The following WDR4 variants were observed in gnomAD, a reference collection of about 807,000 sequenced individuals.
WDR4 encodes tRNA (guanine-N(7)-)-methyltransferase non-catalytic subunit WDR4.
A neutral mutation model predicts 48.6 loss-of-function variants in WDR4; 47 were observed. The ratio of observed to expected loss-of-function variants is 0.97; its 90% CI spans 0.77 to 1.23. The LOEUF is 1.23. Among genes scored for constraint, WDR4 ranks in the 50% most tolerant of loss-of-function variants. The pLI is 0.00. For synonymous variants in WDR4, 268 were observed against 230.0 expected (o/e 1.17, Z -1.49); for missense variants, 606 against 551.6 (o/e 1.10, Z -0.99).
intron 7 of WDR4, 145 bp downstream of exon 7, chr21:42,855,537 T>C (rs2057964443): frequency 1.6e-6 from 1 of 620,378 alleles, no homozygotes; most frequent in Admixed American, 3.0e-5. Context: ...CTTCAGAATT[T>C]GAAATACGAG....
chr21:42,843,476 T>C (rs1366883435), intron 11 of WDR4, among the ~76,000 whole-genome samples: 4 of 136,444 alleles, frequency 2.9e-5, no homozygotes, highest in African/African-American at 1.1e-4. Flanking sequence ...AGTAGTGCAA[T>C]CACGGCTTGC....
At chr21:42,869,242 T>C (rs1301749565) in intron 3 of WDR4, among the ~76,000 whole-genome samples, 1 of 152,082 alleles carries the variant, frequency 6.6e-6, no homozygotes, top group Non-Finnish European at 1.5e-5. Context: ...AGGCAAAAGG[T>C]AGCATGAGAG....
intron 11 of WDR4, among the ~76,000 whole-genome samples, chr21:42,843,544 G>A (rs547041000): frequency 1.1e-4 from 17 of 151,162 alleles, no homozygotes; most frequent in Non-Finnish European, 2.4e-4. Context: ...CCGAGCAGCT[G>A]GGACTACAGG....
intron 3 of WDR4, among the ~76,000 whole-genome samples, chr21:42,866,783 A>C (rs181394694): frequency 2.6e-5 from 4 of 151,822 alleles, no homozygotes; most frequent in Admixed American, 2.0e-4. Flanking sequence ...TAACAATTTC[A>C]CTCCACCCGA....
Position 42,850,380 on chromosome 21 carries a change from C to G in WDR4, c.1046-138G>C, listed in dbSNP as rs897447546. The stretch of plus-strand genomic sequence containing the variant: ...GGACCGTGGGGGGCGCCTTCTGGGA[C>G]GGCTCCCCACGGTGCCCACCTCCTG... On this transcript the variant is annotated intron_variant, in intron 10 of 10. Coordinates refer to ENST00000398208, the MANE Select transcript of WDR4 (RefSeq NM_018669.6). The G allele has an allele frequency of 9.9e-6, 7 of 706,512 alleles. No individual in the cohort carries two copies. The East Asian group carries it at 1.9e-4, about 19-fold the overall frequency. 43.8% of individuals were successfully genotyped at this position (706,512 alleles called of 1,614,324 possible). A position where few individuals can be genotyped will look rare whatever the true frequency, so the allele number is the denominator to read the frequency against.
chr21:42,882,609 G>C (rs1009990974), upstream of WDR4, among the ~76,000 whole-genome samples: 3 of 151,930 alleles, frequency 2.0e-5, no homozygotes, highest in African/African-American at 7.3e-5. Context: ...TGTATTTCTA[G>C]TCCTGTCCTG....
intron 7 of WDR4, among the ~76,000 whole-genome samples, chr21:42,854,885 G>A (rs1031164971): frequency 6.6e-6 from 1 of 152,158 alleles, no homozygotes; most frequent in African/African-American, 2.4e-5. Context: ...AACAAGATAG[G>A]TCAGACAGTG....
downstream of WDR4, among the ~76,000 whole-genome samples, chr21:42,848,239 A>C (rs924758982): frequency 6.6e-5 from 10 of 152,150 alleles, no homozygotes; most frequent in Admixed American, 5.2e-4. Flanking sequence ...GGCCTGAACG[A>C]ATTAAGTGAT....
chr21:42,887,327 G>A, the WDR4 span, among the ~76,000 whole-genome samples: 2 of 149,752 alleles, frequency 1.3e-5, no homozygotes, highest in African/African-American at 2.5e-5. Context: ...TTTATAAAGA[G>A]GCAGAGTCTC....
At chr21:42,852,838 C>A (rs1429661411) in intron 9 of WDR4, among the ~76,000 whole-genome samples, 1 of 151,850 alleles carries the variant, frequency 6.6e-6, no homozygotes, top group South Asian at 2.1e-4. Flanking sequence ...TCACTTGAAC[C>A]CGGGAGGCGG....
chr21:42,876,595 A>G, intron 2 of WDR4, 107 bp downstream of exon 2: 1 of 1,068,792 alleles, frequency 9.4e-7, no homozygotes, highest in South Asian at 1.5e-5. Context: ...CCACTGTGTG[A>G]CAGAAGCTAA....
intron 9 of WDR4, 104 bp downstream of exon 9, chr21:42,853,465 T>C (rs2057888919): frequency 7.6e-7 from 1 of 1,316,702 alleles, no homozygotes; most frequent in African/African-American, 1.5e-5. Context: ...GTGGCTGAGT[T>C]GAAAGAGGCT....
At chr21:42,872,787 A>T (rs890292427) in intron 3 of WDR4, among the ~76,000 whole-genome samples, 1 of 152,020 alleles carries the variant, frequency 6.6e-6, no homozygotes, top group African/African-American at 2.4e-5. Context: ...AATACAAAAA[A>T]TTAGCCGGGC....
chr21:42,882,701 A>G (rs8130197), upstream of WDR4, among the ~76,000 whole-genome samples: 97,038 of 152,038 alleles, frequency 0.64, 32,564 homozygotes, highest in African/African-American at 0.84. Flanking sequence ...GGTGACTCAC[A>G]CCTGTAATCC....
chr21:42,844,576 G>A (rs3746937), downstream of WDR4, among the ~76,000 whole-genome samples: 5,400 of 152,282 alleles, frequency 0.035, 136 homozygotes, highest in South Asian at 0.11. Context: ...TGAGAACCTC[G>A]GAACCCCACG....
intron 3 of WDR4, among the ~76,000 whole-genome samples, chr21:42,872,031 C>T (rs986237594): frequency 1.3e-5 from 2 of 151,728 alleles, no homozygotes; most frequent in African/African-American, 4.8e-5. Context: ...CTCACCCAGG[C>T]TGGAGTGCAA....
chr21:42,858,751 T>C (rs1052902270), intron 6 of WDR4, among the ~76,000 whole-genome samples: 1 of 152,150 alleles, frequency 6.6e-6, no homozygotes, highest in African/African-American at 2.4e-5. Flanking sequence ...CACACTTTTC[T>C]TCTTCTCTCA....
intron 6 of WDR4, 82 bp downstream of exon 6, chr21:42,859,580 G>C: frequency 1.4e-6 from 2 of 1,382,780 alleles, no homozygotes; most frequent in East Asian, 2.5e-5. Context: ...GATCCACAGG[G>C]GCCAGGTCCA....
intron 3 of WDR4, among the ~76,000 whole-genome samples, chr21:42,864,378 C>A (rs551467244): frequency 6.6e-6 from 1 of 152,188 alleles, no homozygotes; most frequent in African/African-American, 2.4e-5. Flanking sequence ...CTTGCCGCTC[C>A]CCTGACCCAC....
Sources: allele counts gnomAD v4.1 joint callset (sites outside exome capture counted in the v4.1 genomes callset), GRCh38; gene constraint gnomAD v4.1.1; transcripts MANE v1.5; gene names NCBI Gene and HGNC (gene_info 2026-07-23, HGNC 2026-07-21).